The following GPR83 variants were observed in gnomAD, a reference collection of about 807,000 sequenced individuals.
GPR83 encodes the protein G-protein coupled receptor 72.
A neutral mutation model predicts 28.0 loss-of-function variants in GPR83; 23 were observed. The ratio of observed to expected loss-of-function variants is 0.82; its 90% CI spans 0.59 to 1.16. The LOEUF (loss-of-function observed/expected upper bound fraction) is 1.16. GPR83 is among the 50% of genes most tolerant of loss of function. GPR83 has a pLI of 0.00. For synonymous variants in GPR83, 234 were observed against 215.4 expected (o/e 1.09, Z -0.76); for missense variants, 610 against 536.6 (o/e 1.14, Z -1.35).
chr11:94,400,966 A>C lies in GPR83; in HGVS notation c.282T>G (p.His94Gln), dbSNP rs756007670. 6.2e-7 allele frequency: 1 copy of C among 1,614,140 alleles called. No homozygotes were observed. The change falls in exon 1 of 4, where the codon CAT becomes CAG. Residue 94 changes from histidine (H) to glutamine (Q), a missense_variant. His to Gln is a conservative substitution (Grantham distance 24). Transcript: ENST00000243673. ...GCATTCGCTGGTTCTTGAAGATGACATGACAGACCAGGACGTTGCCAAAGA... is the reference window on the plus strand; with the variant it reads ...GCATTCGCTGGTTCTTGAAGATGACCTGACAGACCAGGACGTTGCCAAAGA... ...FSLFGNVLVC[H>Q]VIFKNQRMHS...
chr11:94,382,840 C>T (rs1944707401), intron 3 of GPR83, among the ~76,000 whole-genome samples: 1 of 152,124 alleles, frequency 6.6e-6, no homozygotes, highest in Non-Finnish European at 1.5e-5. Context: ...TCTCAGAGCA[C>T]AGTGCAATCA....
chr11:94,383,080 G>C (rs1377711872), intron 3 of GPR83, among the ~76,000 whole-genome samples: 1 of 151,734 alleles, frequency 6.6e-6, no homozygotes, highest in Non-Finnish European at 1.5e-5. Flanking sequence ...AGGGAGGAGA[G>C]GTGGAGCTTG....
chr11:94,392,240 A>G (rs2134692670), intron 3 of GPR83, among the ~76,000 whole-genome samples: 1 of 152,152 alleles, frequency 6.6e-6, no homozygotes, highest in East Asian at 1.9e-4. Flanking sequence ...ACCAAACACC[A>G]CATATTCTCA....
Position 94,401,188 on chromosome 11 carries a change from G to T in GPR83, c.60C>A (p.His20Gln), listed in dbSNP as rs561352537. The T allele has an allele frequency of 1.4e-4, 221 of 1,613,258 alleles. 2 individuals are homozygous for T. The South Asian group carries it at 2.3e-3, about 16-fold the overall frequency. ...CGCTCTGCTCGTCGGCCCGGCCCTC[G>T]TGGGGCTCGGTGGCTCGCACCAAGG... ...LLPLVRATEPHEGRADEQSAE... is the reference protein window; with the variant it reads ...LLPLVRATEPQEGRADEQSAE... Residue 20 changes from histidine (H) to glutamine (Q), a missense_variant, in exon 1 of 4, where the codon CAC becomes CAA. His to Gln is a conservative substitution (Grantham distance 24). Transcript: ENST00000243673.
At chr11:94,383,846 C>T (rs925066944) in intron 3 of GPR83, among the ~76,000 whole-genome samples, 3 of 152,092 alleles carry the variant, frequency 2.0e-5, no homozygotes, top group Non-Finnish European at 2.9e-5. Flanking sequence ...AATTAATAGC[C>T]TACCAACCAA....
At chr11:94,386,877 C>T (rs569136097) in intron 3 of GPR83, among the ~76,000 whole-genome samples, 5 of 152,316 alleles carry the variant, frequency 3.3e-5, no homozygotes, top group Non-Finnish European at 5.9e-5. Context: ...ATTACACATT[C>T]TTCTCAGCAC....
intron 3 of GPR83, among the ~76,000 whole-genome samples, chr11:94,382,484 T>C (rs996957091): frequency 1.3e-5 from 2 of 151,638 alleles, no homozygotes; most frequent in Non-Finnish European, 2.9e-5. Context: ...AAAAGCTAAC[T>C]ATCCTAAATA....
chr11:94,384,919 C>A (rs1944733897), intron 3 of GPR83, among the ~76,000 whole-genome samples: 1 of 152,196 alleles, frequency 6.6e-6, no homozygotes, highest in Admixed American at 6.5e-5. Flanking sequence ...TCCTTGACCC[C>A]CGAGTAGTCT....
intron 1 of GPR83, among the ~76,000 whole-genome samples, chr11:94,398,314 T>G (rs1358562253): frequency 6.6e-6 from 1 of 152,148 alleles, no homozygotes; most frequent in Non-Finnish European, 1.5e-5. Flanking sequence ...GGCCCCGCCT[T>G]TCCTTCTGGC....
intron 3 of GPR83, among the ~76,000 whole-genome samples, chr11:94,390,378 C>G (rs113715508): frequency 0.16 from 24,168 of 151,498 alleles, 2,446 homozygotes; most frequent in Non-Finnish European, 0.23. Context: ...AATGAGTGAA[C>G]AAAAACTGGA....
At chr11:94,391,194 G>A (rs59861532) in intron 3 of GPR83, among the ~76,000 whole-genome samples, 1 of 152,026 alleles carries the variant, frequency 6.6e-6, no homozygotes, top group Non-Finnish European at 1.5e-5. Context: ...TCTGATTTTT[G>A]ACACACCTGA....
rs1368642210 is a variant in GPR83 at position 94,378,447 on chromosome 11, G to A, written c.*1702C>T. 1.1e-4 allele frequency: 16 copies of A among 152,112 alleles called. No individual in the cohort carries two copies. The highest frequency in any genetic ancestry group is 2.4e-4 in the Non-Finnish European group (16 of 68,032). 9.4% of individuals were successfully genotyped at this position (152,112 alleles called of 1,614,324 possible). ...TGTTTAGAGCAGGTGAATTAAGCTC[G>A]ATTCTGCCTGACAGGTCTCTTTTCT... On this transcript the variant is annotated 3_prime_UTR_variant, in exon 4 of 4. Coordinates refer to ENST00000243673, the MANE Select transcript of GPR83 (RefSeq NM_016540.4).
At chr11:94,394,796 T>C (rs898310778) in intron 2 of GPR83, among the ~76,000 whole-genome samples, 12 of 152,182 alleles carry the variant, frequency 7.9e-5, no homozygotes, top group African/African-American at 2.9e-4. Context: ...TCCAAGCACT[T>C]CTCAAGGACT....
intron 2 of GPR83, among the ~76,000 whole-genome samples, chr11:94,394,432 C>G (rs565834146): frequency 3.3e-5 from 5 of 152,308 alleles, no homozygotes; most frequent in Non-Finnish European, 7.3e-5. Context: ...TACTGTATAT[C>G]AATCAATTAT....
chr11:94,390,236 G>C (rs952898319), intron 3 of GPR83, among the ~76,000 whole-genome samples: 2 of 151,802 alleles, frequency 1.3e-5, no homozygotes, highest in African/African-American at 4.8e-5. Context: ...GAGTTAATGG[G>C]TGCAGCACAC....
intron 3 of GPR83, among the ~76,000 whole-genome samples, chr11:94,382,515 G>C (rs865987328): frequency 6.6e-6 from 1 of 152,060 alleles, no homozygotes; most frequent in African/African-American, 2.4e-5. Flanking sequence ...CAATACAGGA[G>C]CACCCAGATT....
chr11:94,380,819 ATAT>A, intron 3 of GPR83, 46 bp from the exon 4 acceptor site: 1 of 1,534,328 alleles, frequency 6.5e-7, no homozygotes, highest in Non-Finnish European at 8.8e-7. Flanking sequence ...CAGAAAGGAG[ATAT>A]TAGTGTGGAA....
chr11:94,394,126 C>T (rs1054017611), intron 2 of GPR83, among the ~76,000 whole-genome samples: 6 of 152,142 alleles, frequency 3.9e-5, no homozygotes, highest in East Asian at 3.9e-4. Flanking sequence ...CATGGCACCA[C>T]GGCAAGGCTG....
chr11:94,391,006 G>T (rs192815076), intron 3 of GPR83, among the ~76,000 whole-genome samples: 27 of 152,242 alleles, frequency 1.8e-4, no homozygotes, highest in Admixed American at 1.6e-3. Context: ...AAAAGAGCCC[G>T]CATTGCCAAG....
Sources: allele counts gnomAD v4.1 joint callset (sites outside exome capture counted in the v4.1 genomes callset), GRCh38; gene constraint gnomAD v4.1.1; transcripts MANE v1.5; gene names NCBI Gene and HGNC (gene_info 2026-07-23, HGNC 2026-07-21).